The following PCNX1 variants were observed in gnomAD, a reference collection of about 807,000 sequenced individuals.
PCNX1 encodes the protein pecanex 1.
A neutral mutation model predicts 242.2 loss-of-function variants in PCNX1; 78 were observed. The ratio of observed to expected loss-of-function variants is 0.32; its 90% CI spans 0.27 to 0.39. The LOEUF (loss-of-function observed/expected upper bound fraction) is 0.39, where lower values mean the gene tolerates loss of function less well. Among genes scored for constraint, PCNX1 ranks in the 10% least tolerant of loss-of-function variants. The pLI is 1.00. For missense variants in PCNX1, 2,581 were observed against 2,856.5 expected (o/e 0.90, Z 2.20); for synonymous variants, 1,024 against 1,032.9 (o/e 0.99, Z 0.17).
chr14:70,915,932 G>A (rs1261140855), intron 1 of PCNX1, among the ~76,000 whole-genome samples: 1 of 152,168 alleles, frequency 6.6e-6, no homozygotes, highest in Non-Finnish European at 1.5e-5. Flanking sequence ...AAGGAGGCAA[G>A]GATGAAGGGA....
intron 26 of PCNX1, among the ~76,000 whole-genome samples, chr14:71,061,191 G>A (rs182626824): frequency 8.9e-4 from 135 of 152,282 alleles, no homozygotes; most frequent in African/African-American, 2.8e-3. Flanking sequence ...TGGGAGAAAC[G>A]TTGCAGGTTA....
chr14:71,073,915 AC>A, intron 27 of PCNX1, 117 bp downstream of exon 27: 4 of 617,060 alleles, frequency 6.5e-6, no homozygotes, highest in Non-Finnish European at 9.6e-6. Flanking sequence ...GCTTCCAAGT[AC>A]TTATTTAAAT....
rs1362474278 is a variant in PCNX1, at chr14:70,907,743, G to A, written c.-108G>A. 3 of 1,155,794 alleles carry A rather than the reference G, an allele frequency of 2.6e-6. No individual in the cohort carries two copies. Among genetic ancestry groups the A allele is most frequent in the South Asian group, 8.4e-5 (2 of 23,728 alleles). 71.6% of individuals were successfully genotyped at this position (1,155,794 alleles called of 1,614,324 possible). ...CGCCGGCTCGCTCACCCGGAGCTCC[G>A]GAGGTGGATAGACGGGGCAGCTGCA... On this transcript the variant is annotated 5_prime_UTR_variant, in exon 1 of 36. Coordinates refer to ENST00000304743, the MANE Select transcript of PCNX1 (RefSeq NM_014982.3).
chr14:70,929,431 G>A (rs2056709288), intron 1 of PCNX1, among the ~76,000 whole-genome samples: 2 of 152,056 alleles, frequency 1.3e-5, no homozygotes, highest in Non-Finnish European at 2.9e-5. Context: ...CCCAGTTACT[G>A]TTTTTCATCC....
chr14:71,014,091 C>T (rs1037019638), intron 11 of PCNX1, among the ~76,000 whole-genome samples: 4 of 152,162 alleles, frequency 2.6e-5, no homozygotes, highest in Non-Finnish European at 5.9e-5. Context: ...TCACACAGCA[C>T]TGGGAATAGT....
chr14:71,045,331 C>A (rs1290970364), intron 20 of PCNX1, 48 bp downstream of exon 20: 1 of 1,343,674 alleles, frequency 7.4e-7, no homozygotes, highest in Admixed American at 2.0e-5. Context: ...TGAGTTTTTC[C>A]CTTTGCTATA....
In PCNX1 at chr14:71,019,068, T is replaced by C; in HGVS notation, c.3056T>C (p.Leu1019Ser). The C allele has an allele frequency of 6.2e-7, 1 of 1,613,444 alleles. No homozygotes were observed. The highest frequency in any genetic ancestry group is 8.5e-7 in the Non-Finnish European group (1 of 1,179,634). Residue 1019 changes from leucine to serine, a missense_variant, in exon 12 of 36, where the codon TTG becomes TCG. Transcript: ENST00000304743. ...AVILAILVAF[L>S]GSILLIQGFF... The stretch of plus-strand genomic sequence containing the variant: ...ATCCTGGCTATTCTCGTGGCCTTTT[T>C]GGGATCTATTCTTCTCATACAAGGA...
chr14:71,095,762 G>A (rs1051822536), intron 30 of PCNX1, among the ~76,000 whole-genome samples: 2 of 152,100 alleles, frequency 1.3e-5, no homozygotes, highest in African/African-American at 4.8e-5. Flanking sequence ...AATGTATGTA[G>A]AACTTTACAT....
At chr14:71,003,951 G>A (rs2059583364) in intron 8 of PCNX1, among the ~76,000 whole-genome samples, 1 of 152,216 alleles carries the variant, frequency 6.6e-6, no homozygotes, top group South Asian at 2.1e-4. Flanking sequence ...GAAACTTGAA[G>A]TTACAAGGAC....
chr14:71,051,938 G>T lies in PCNX1; in HGVS notation c.4503G>T (p.Leu1501=). The change falls in exon 24 of 36, where the codon CTG becomes CTT. Residue 1501 remains leucine (L), a synonymous_variant. Transcript: ENST00000304743. ...AAVSAFFSTP[L]NPFLGSAIFI... ...TCTCGGCCTTCTTCTCTACTCCACT[G>T]AACCCCTTTCTGGGAAGTGCAATAT... The T allele has an allele frequency of 6.2e-7, 1 of 1,613,538 alleles. No homozygotes were observed. The highest frequency in any genetic ancestry group is 1.1e-5 in the South Asian group (1 of 91,060).
Position 71,110,511 on chromosome 14 carries a change from C to T in PCNX1, c.*576C>T, listed in dbSNP as rs2062735276. 1 of 152,982 alleles carries T rather than the reference C, an allele frequency of 6.5e-6. No homozygotes were observed. The highest frequency in any genetic ancestry group is 1.5e-5 in the Non-Finnish European group (1 of 68,362). The allele number at this position is 152,982 out of a possible 1,614,324, so 9.5% of individuals were successfully genotyped here. On this transcript the variant is annotated 3_prime_UTR_variant, in exon 36 of 36. Transcript: ENST00000304743. Reference sequence around the variant, plus strand: ...ACTGCACTAATTTTTTACAGCAATGCACTAAAGTCTGAGATTTCTCAGAAC... The same window carrying T: ...ACTGCACTAATTTTTTACAGCAATGTACTAAAGTCTGAGATTTCTCAGAAC...
chr14:70,950,547 T>C (rs1260749717), intron 2 of PCNX1, among the ~76,000 whole-genome samples: 1 of 152,164 alleles, frequency 6.6e-6, no homozygotes, highest in Admixed American at 6.5e-5. Flanking sequence ...TTTTCCAATA[T>C]GTATTGCCAA....
At chr14:70,958,438 A>G (rs2058072869) in intron 2 of PCNX1, among the ~76,000 whole-genome samples, 2 of 152,216 alleles carry the variant, frequency 1.3e-5, no homozygotes, top group South Asian at 2.1e-4. Flanking sequence ...AGAATACCCA[A>G]AAAAGTTTAA....
intron 26 of PCNX1, among the ~76,000 whole-genome samples, chr14:71,069,529 A>C (rs2061538597): frequency 1.3e-5 from 2 of 152,210 alleles, no homozygotes; most frequent in African/African-American, 4.8e-5. Context: ...CCTTGGAGAT[A>C]TTGCATGTTG....
chr14:71,003,664 G>A (rs2059575674), intron 8 of PCNX1, among the ~76,000 whole-genome samples: 1 of 152,056 alleles, frequency 6.6e-6, no homozygotes, highest in African/African-American at 2.4e-5. Flanking sequence ...GCTGATTTGG[G>A]GATTAGCAAG....
chr14:71,001,569 C>T lies in PCNX1; in HGVS notation c.2629+5644C>T, dbSNP rs376822518. On this transcript the variant is annotated intron_variant, in intron 8 of 35. Coordinates refer to ENST00000304743, the MANE Select transcript of PCNX1 (RefSeq NM_014982.3). ...AACAGCTCTAGGAATTTTACGGAAACTTACAGGGACAGGTTGAGATATTTA... is the reference window on the plus strand; with the variant it reads ...AACAGCTCTAGGAATTTTACGGAAATTTACAGGGACAGGTTGAGATATTTA... Among the ~76,000 whole-genome samples, 75 of 152,238 alleles carry T rather than the reference C, an allele frequency of 4.9e-4. 1 individual carries two copies. In the South Asian group the frequency reaches 0.015, roughly 30 times the overall value.
intron 26 of PCNX1, among the ~76,000 whole-genome samples, chr14:71,068,776 C>A (rs34542576): frequency 0.54 from 69,200 of 129,072 alleles, 21,150 homozygotes; most frequent in East Asian, 0.74. Flanking sequence ...ATGTATACTT[C>A]TACACATACA....
intron 1 of PCNX1, among the ~76,000 whole-genome samples, chr14:70,937,583 G>A (rs530986298): frequency 2.9e-4 from 44 of 152,280 alleles, no homozygotes; most frequent in Admixed American, 1.1e-3. Flanking sequence ...CTCCAGCTTT[G>A]TTCTTTTGGC....
intron 22 of PCNX1, among the ~76,000 whole-genome samples, chr14:71,050,316 CA>C (rs1345797866): frequency 6.6e-6 from 1 of 152,082 alleles, no homozygotes; most frequent in Non-Finnish European, 1.5e-5. Flanking sequence ...ATGTTTTTTT[CA>C]AGAACAGTTA....
Sources: gnomAD v4.1 joint callset for allele counts (sites outside exome capture counted in the v4.1 genomes callset) on GRCh38, gnomAD v4.1.1 for gene constraint, MANE v1.5 for transcripts, NCBI Gene and HGNC (gene_info 2026-07-23, HGNC 2026-07-21) for gene names.